The following SH3BGRL2 variants were observed in gnomAD, a reference collection of about 807,000 sequenced individuals.
SH3BGRL2 encodes the protein SH3 domain binding glutamate rich protein like 2, also known as SH3 domain-binding glutamic acid-rich-like protein 2.
SH3BGRL2 carries 21 observed loss-of-function variants against 14.8 expected under a neutral mutation model. The ratio of observed to expected loss-of-function variants is 1.42; its 90% confidence interval spans 1.01 to 2.05. SH3BGRL2 has a LOEUF of 2.05. Among genes scored for constraint, SH3BGRL2 ranks in the 30% most tolerant of loss-of-function variants. The pLI is 0.00. For synonymous variants in SH3BGRL2, 50 were observed against 47.8 expected (o/e 1.05, Z -0.19); for missense variants, 147 against 130.8 (o/e 1.12, Z -0.61).
chr6:79,583,117 A>T, the SH3BGRL2 span, among the ~76,000 whole-genome samples: 59 of 152,320 alleles, frequency 3.9e-4, no homozygotes, highest in Middle Eastern at 3.4e-3. Flanking sequence ...GCAATCATTA[A>T]AAAGTCAGGA....
At chr6:79,579,740 A>G in the SH3BGRL2 span, among the ~76,000 whole-genome samples, 1 of 152,216 alleles carries the variant, frequency 6.6e-6, no homozygotes, top group Non-Finnish European at 1.5e-5. Flanking sequence ...AACCACAATA[A>G]TTAATTGGCA....
chr6:79,648,279 T>TATAA (rs1554202210), intron 1 of SH3BGRL2, among the ~76,000 whole-genome samples: 29 of 117,172 alleles, frequency 2.5e-4, no homozygotes, highest in South Asian at 8.7e-4. Context: ...TATATATATA[T>TATAA]ATATTTGACA....
intron 1 of SH3BGRL2, among the ~76,000 whole-genome samples, chr6:79,636,730 C>T (rs1416725071): frequency 6.6e-6 from 1 of 152,108 alleles, no homozygotes; most frequent in Non-Finnish European, 1.5e-5. Context: ...GGTTTGCTGG[C>T]GATCTTTGGC....
intron 1 of SH3BGRL2, among the ~76,000 whole-genome samples, chr6:79,641,424 T>G (rs1382000640): frequency 1.3e-5 from 2 of 152,168 alleles, no homozygotes; most frequent in African/African-American, 2.4e-5. Context: ...GGAGTCAGTT[T>G]ATATTCAACC....
intron 1 of SH3BGRL2, among the ~76,000 whole-genome samples, chr6:79,662,012 A>G (rs991466609): frequency 1.3e-5 from 2 of 151,892 alleles, no homozygotes; most frequent in Non-Finnish European, 2.9e-5. Flanking sequence ...ATCTTCCTCC[A>G]TCCCTTTATT....
At chr6:79,537,664 C>G in the SH3BGRL2 span, among the ~76,000 whole-genome samples, 10 of 152,140 alleles carry the variant, frequency 6.6e-5, no homozygotes, top group Admixed American at 2.0e-4. Flanking sequence ...TGCCAGGGCT[C>G]GACTGCTGAG....
At chr6:79,640,185 A>C (rs1769002948) in intron 1 of SH3BGRL2, among the ~76,000 whole-genome samples, 1 of 152,114 alleles carries the variant, frequency 6.6e-6, no homozygotes, top group African/African-American at 2.4e-5. Context: ...TACCAGCTAG[A>C]AACTGCACAA....
intron 2 of SH3BGRL2, among the ~76,000 whole-genome samples, chr6:79,677,730 G>A (rs1769912917): frequency 1.3e-5 from 2 of 152,132 alleles, no homozygotes; most frequent in Admixed American, 6.5e-5. Context: ...CTCCCTCAAA[G>A]TTGCTAGTAT....
chr6:79,545,284 G>A, the SH3BGRL2 span, among the ~76,000 whole-genome samples: 10 of 152,086 alleles, frequency 6.6e-5, no homozygotes, highest in Admixed American at 1.3e-4. Flanking sequence ...TCAGATGCCC[G>A]TACTTCAGCT....
At chr6:79,541,952 T>G in the SH3BGRL2 span, among the ~76,000 whole-genome samples, 1 of 152,216 alleles carries the variant, frequency 6.6e-6, no homozygotes, top group Admixed American at 6.5e-5. Flanking sequence ...TTTGTTATTT[T>G]TTGACTGCCT....
At chr6:79,681,440 G>A (rs529904513) in intron 2 of SH3BGRL2, among the ~76,000 whole-genome samples, 157 of 152,262 alleles carry the variant, frequency 1.0e-3, no homozygotes, top group African/African-American at 3.5e-3. Context: ...GGGGCTAACT[G>A]CCTGCATTCC....
chr6:79,546,249 A>G, the SH3BGRL2 span, among the ~76,000 whole-genome samples: 1 of 152,104 alleles, frequency 6.6e-6, no homozygotes, highest in Non-Finnish European at 1.5e-5. Context: ...TTTTTTCCAG[A>G]TAATACAAAT....
chr6:79,586,812 A>G, the SH3BGRL2 span, among the ~76,000 whole-genome samples: 1 of 152,210 alleles, frequency 6.6e-6, no homozygotes, highest in Non-Finnish European at 1.5e-5. Context: ...CACACTGCAA[A>G]TATGACTTGG....
At chr6:79,577,122 AAAAAC>A in the SH3BGRL2 span, among the ~76,000 whole-genome samples, 1 of 152,182 alleles carries the variant, frequency 6.6e-6, no homozygotes, top group Non-Finnish European at 1.5e-5. Flanking sequence ...CATTTGTTGA[AAAAAC>A]AAAACAAAAC....
At chr6:79,578,035 G>A in the SH3BGRL2 span, among the ~76,000 whole-genome samples, 1 of 152,226 alleles carries the variant, frequency 6.6e-6, no homozygotes, top group Non-Finnish European at 1.5e-5. Flanking sequence ...AGCAGTCTGA[G>A]ATCAATCTGC....
chr6:79,618,885 C>G, the SH3BGRL2 span, among the ~76,000 whole-genome samples: 1 of 104,972 alleles, frequency 9.5e-6, no homozygotes, highest in Non-Finnish European at 1.8e-5. Context: ...CCACTGGACT[C>G]CAGCCTGGGT....
chr6:79,656,683 T>G (rs990628321), intron 1 of SH3BGRL2, among the ~76,000 whole-genome samples: 1 of 152,168 alleles, frequency 6.6e-6, no homozygotes, highest in African/African-American at 2.4e-5. Context: ...GCATTCACAT[T>G]GTATAAGGTA....
intron 1 of SH3BGRL2, among the ~76,000 whole-genome samples, chr6:79,658,416 G>A (rs1402882325): frequency 6.6e-6 from 1 of 152,160 alleles, no homozygotes; most frequent in Non-Finnish European, 1.5e-5. Flanking sequence ...CCTTGTGATA[G>A]TTTGTTGATA....
At chr6:79,698,407 T>C (rs1217201536) in intron 3 of SH3BGRL2, among the ~76,000 whole-genome samples, 2 of 152,224 alleles carry the variant, frequency 1.3e-5, no homozygotes, top group African/African-American at 4.8e-5. Flanking sequence ...ACAGGTTTAA[T>C]GTACTAAAAG....
Sources: gnomAD v4.1 joint callset for allele counts (sites outside exome capture counted in the v4.1 genomes callset) on GRCh38, gnomAD v4.1.1 for gene constraint, MANE v1.5 for transcripts, NCBI Gene and HGNC (gene_info 2026-07-23, HGNC 2026-07-21) for gene names.